The following KCNK13 variants were observed in gnomAD, a reference collection of about 807,000 sequenced individuals.
KCNK13 encodes potassium two pore domain channel subfamily K member 13.
Under a neutral mutation model 23.4 loss-of-function variants are expected in KCNK13, and 12 were observed. That is an observed-to-expected ratio of 0.51 (90% CI 0.33 to 0.83). KCNK13 has a LOEUF of 0.83. KCNK13 is among the 40% of genes least tolerant of loss of function. The probability of loss-of-function intolerance (pLI) is 0.02; values close to 1 mark genes in which losing one functional copy is unlikely to be tolerated. For synonymous variants in KCNK13, 231 were observed against 229.5 expected (o/e 1.01, Z -0.06); for missense variants, 463 against 556.3 (o/e 0.83, Z 1.69).
chr14:90,185,082 G>C lies in KCNK13; in HGVS notation c.*79G>C. The C allele has an allele frequency of 1.5e-6, 2 of 1,291,604 alleles. No individual in the cohort carries two copies. The highest frequency in any genetic ancestry group is 5.4e-4 in the Middle Eastern group (2 of 3,724). 80.0% of individuals were successfully genotyped at this position (1,291,604 alleles called of 1,614,324 possible). A position where few individuals can be genotyped will look rare whatever the true frequency, so the allele number is the denominator to read the frequency against. On this transcript the variant is annotated 3_prime_UTR_variant, in exon 2 of 2. Coordinates refer to ENST00000282146, the MANE Select transcript of KCNK13 (RefSeq NM_022054.4). ...GCCCAGGGGACGAGCTCAGCCCTGC[G>C]CCTTGGCTCTGTTCCTTCTGGGAGC...
At chr14:90,110,429 G>A (rs986018024) in intron 1 of KCNK13, among the ~76,000 whole-genome samples, 17 of 150,606 alleles carry the variant, frequency 1.1e-4, no homozygotes, top group African/African-American at 3.4e-4. Flanking sequence ...GCAGTGAGTC[G>A]ACATCATGCC....
chr14:90,169,170 T>TA (rs1485081903), intron 1 of KCNK13, among the ~76,000 whole-genome samples: 1 of 152,248 alleles, frequency 6.6e-6, no homozygotes, highest in Non-Finnish European at 1.5e-5. Context: ...AATTTTTAAA[T>TA]ACTGCAAATA....
chr14:90,167,873 C>T (rs1418630255), intron 1 of KCNK13, among the ~76,000 whole-genome samples: 1 of 152,198 alleles, frequency 6.6e-6, no homozygotes, highest in African/African-American at 2.4e-5. Context: ...GGAAGAAACA[C>T]TTTCCTCTCT....
At chr14:90,173,161 G>A (rs1242843352) in intron 1 of KCNK13, among the ~76,000 whole-genome samples, 1 of 152,206 alleles carries the variant, frequency 6.6e-6, no homozygotes, top group African/African-American at 2.4e-5. Flanking sequence ...AAACCACTAT[G>A]TATCCACCAA....
intron 1 of KCNK13, among the ~76,000 whole-genome samples, chr14:90,065,820 C>T (rs1465486144): frequency 6.6e-6 from 1 of 152,148 alleles, no homozygotes; most frequent in Non-Finnish European, 1.5e-5. Flanking sequence ...AATGATAACA[C>T]GATCCCAAGG....
At position 90,143,146 on chromosome 14, in the gene KCNK13, A is replaced by ACTTTCTTTCTTTCTTTCTTT. The variant is rs577709163; in HGVS notation, c.335-40952_335-40933dup. On this transcript the variant is annotated intron_variant, in intron 1 of 1. Transcript: ENST00000282146. ...TCCCTGTTTTAGGAGAAGAGCAGAA[A>ACTTTCTTTCTTTCTTTCTTT]CTTTCTTTCTTTCTTTCTTTCTTTC... Among the ~76,000 whole-genome samples, 248 of 115,776 alleles carry ACTTTCTTTCTTTCTTTCTTT rather than the reference A, an allele frequency of 2.1e-3. 1 individual carries two copies. The highest frequency in any genetic ancestry group is 6.8e-3 in the African/African-American group (216 of 31,856). The allele number at this position is 115,776 out of a possible 152,430, so 76.0% of individuals were successfully genotyped here. A position where few individuals can be genotyped will look rare whatever the true frequency, so the allele number is the denominator to read the frequency against.
chr14:90,160,610 A>AGGCG (rs1272517680), intron 1 of KCNK13, among the ~76,000 whole-genome samples: 1 of 152,188 alleles, frequency 6.6e-6, no homozygotes, highest in Admixed American at 6.5e-5. Context: ...TGAGAGGCCA[A>AGGCG]GGCGGGTGGA....
At chr14:90,075,104 CCTT>C (rs751688577) in intron 1 of KCNK13, among the ~76,000 whole-genome samples, 4 of 151,868 alleles carry the variant, frequency 2.6e-5, no homozygotes, top group Non-Finnish European at 5.9e-5. Flanking sequence ...GTATTATCCT[CCTT>C]CATCCTATTT....
In KCNK13 at chr14:90,141,793, T is replaced by TG. The variant is rs1566644289; in HGVS notation, c.335-42318_335-42317insG. Among the ~76,000 whole-genome samples, 11 of 17,886 alleles carry TG rather than the reference T, an allele frequency of 6.2e-4. 1 individual carries two copies. Among genetic ancestry groups the TG allele is most frequent in the African/African-American group, 1.2e-3 (9 of 7,310 alleles). The allele number at this position is 17,886 out of a possible 152,430, so 11.7% of individuals were successfully genotyped here. On this transcript the variant is annotated intron_variant, in intron 1 of 1. Transcript: ENST00000282146. Reference sequence around the variant, plus strand: ...TTGGGTTTTTGTTTTGTTTTGTTTTTTGGGGGGGGGGACGGAGCCTTGCTC... The same window carrying TG: ...TTGGGTTTTTGTTTTGTTTTGTTTTTGTGGGGGGGGGGACGGAGCCTTGCTC...
intron 1 of KCNK13, among the ~76,000 whole-genome samples, chr14:90,094,147 A>G (rs10150114): frequency 0.49 from 74,930 of 151,952 alleles, 19,240 homozygotes; most frequent in South Asian, 0.64. Context: ...ACCTTGCACA[A>G]GGCTGGCATG....
At chr14:90,128,235 C>A (rs1407546266) in intron 1 of KCNK13, among the ~76,000 whole-genome samples, 1 of 152,144 alleles carries the variant, frequency 6.6e-6, no homozygotes. Context: ...GAAATGTATT[C>A]TTTCATTCCG....
Position 90,167,345 on chromosome 14 carries a change from AAC to A in KCNK13, c.335-16762_335-16761del, listed in dbSNP as rs1169506046. On this transcript the variant is annotated intron_variant, in intron 1 of 1. Transcript: ENST00000282146. The stretch of plus-strand genomic sequence containing the variant: ...TTCATTGCTTTTCTCACCACCAGGT[AAC>A]ACAGATATAAAGAGTACAGTTATCC... 3.3e-5 allele frequency among the ~76,000 whole-genome samples: 5 copies of A among 152,378 alleles called. No homozygotes were observed. In the East Asian group the frequency reaches 9.6e-4, roughly 29 times the overall value.
At chr14:90,142,429 G>A (rs1471002032) in intron 1 of KCNK13, among the ~76,000 whole-genome samples, 1 of 140,096 alleles carries the variant, frequency 7.1e-6, no homozygotes, top group African/African-American at 2.7e-5. Flanking sequence ...TGCCATTCTC[G>A]TGCCTCAGCC....
chr14:90,135,352 T>G (rs1411680974), intron 1 of KCNK13, among the ~76,000 whole-genome samples: 2 of 152,186 alleles, frequency 1.3e-5, no homozygotes, highest in Non-Finnish European at 2.9e-5. Flanking sequence ...GAGGTCAACA[T>G]TTGTCTCACT....
intron 1 of KCNK13, among the ~76,000 whole-genome samples, chr14:90,126,463 G>GTGACA (rs1566956231): frequency 2.0e-5 from 3 of 151,942 alleles, no homozygotes; most frequent in Admixed American, 6.6e-5. Context: ...GTGACGTGAC[G>GTGACA]TGACGTGACG....
At chr14:90,125,676 T>C (rs1245198334) in intron 1 of KCNK13, among the ~76,000 whole-genome samples, 3 of 151,296 alleles carry the variant, frequency 2.0e-5, no homozygotes, top group Non-Finnish European at 4.4e-5. Context: ...CAGGACTCAA[T>C]TGAAAGCACT....
intron 1 of KCNK13, among the ~76,000 whole-genome samples, chr14:90,172,641 T>C (rs1460854964): frequency 6.6e-6 from 1 of 151,626 alleles, no homozygotes; most frequent in Non-Finnish European, 1.5e-5. Flanking sequence ...GTTCTGGTGT[T>C]ATATGAGTGG....
chr14:90,073,471 G>A (rs1188372738), intron 1 of KCNK13, among the ~76,000 whole-genome samples: 1 of 152,098 alleles, frequency 6.6e-6, no homozygotes, highest in Non-Finnish European at 1.5e-5. Flanking sequence ...TTAACTCTTG[G>A]CATGTTGGCA....
chr14:90,092,037 T>G (rs920963826), intron 1 of KCNK13, among the ~76,000 whole-genome samples: 6 of 151,108 alleles, frequency 4.0e-5, no homozygotes, highest in African/African-American at 1.5e-4. Flanking sequence ...TTCTCCTGCC[T>G]CAGCCTCCCG....
Sources: gnomAD v4.1 joint callset for allele counts (sites outside exome capture counted in the v4.1 genomes callset) on GRCh38, gnomAD v4.1.1 for gene constraint, MANE v1.5 for transcripts, NCBI Gene and HGNC (gene_info 2026-07-23, HGNC 2026-07-21) for gene names.